Variants in NT5C2 observed in about 807,000 individuals in gnomAD.
The protein encoded by NT5C2 is cytosolic purine 5'-nucleotidase.
In NT5C2, 58 loss-of-function variants were observed where a neutral mutation model predicts 76.1. That is an observed-to-expected ratio of 0.76 (90% CI 0.62 to 0.95). The LOEUF (loss-of-function observed/expected upper bound fraction) is 0.95, where lower values mean the gene tolerates loss of function less well. Ranked by LOEUF, NT5C2 falls within the 40% of genes least tolerant of loss-of-function variation. The pLI, the probability that NT5C2 is intolerant of heterozygous loss-of-function variation, is 0.00. For missense variants in NT5C2, 478 were observed against 690.3 expected (o/e 0.69, Z 3.45); for synonymous variants, 229 against 237.4 (o/e 0.96, Z 0.32).
At chr10:103,163,639 T>C (rs557972921) in intron 3 of NT5C2, among the ~76,000 whole-genome samples, 1 of 151,944 alleles carries the variant, frequency 6.6e-6, no homozygotes, top group South Asian at 2.1e-4. Context: ...GTTCTTTATA[T>C]ACTCCAGATA....
intron 4 of NT5C2, among the ~76,000 whole-genome samples, chr10:103,128,189 C>T (rs2077076643): frequency 1.3e-5 from 2 of 150,170 alleles, no homozygotes; most frequent in African/African-American, 4.9e-5. Context: ...GATTCTCCTG[C>T]CTCAGCCTGC....
rs776631372 is a variant in NT5C2 at position 103,094,016 on chromosome 10, C to T, written c.944G>A (p.Gly315Asp). ...VDTKTGKLKIGTYTGPLQHGI... is the reference protein window; with the variant it reads ...VDTKTGKLKIDTYTGPLQHGI... ...ATGCTGTAGGGGCCCTGTGTAGGTACCAATTTTCAGCTTGCCAGTTTTCTG... is the reference window on the plus strand; with the variant it reads ...ATGCTGTAGGGGCCCTGTGTAGGTATCAATTTTCAGCTTGCCAGTTTTCTG... The change falls in exon 14 of 19, where the codon GGT becomes GAT. Residue 315 changes from glycine (G) to aspartate (D), a missense_variant. Physicochemically the swap from Gly to Asp is moderately conservative, Grantham distance 94. Coordinates refer to ENST00000404739, the MANE Select transcript of NT5C2 (RefSeq NM_001351169.2). 1 of 1,613,774 alleles carries T rather than the reference C, an allele frequency of 6.2e-7. No homozygotes were observed. The highest frequency in any genetic ancestry group is 8.5e-7 in the Non-Finnish European group (1 of 1,179,738).
intron 6 of NT5C2, among the ~76,000 whole-genome samples, chr10:103,103,038 T>C (rs921898680): frequency 6.6e-6 from 1 of 152,068 alleles, no homozygotes; most frequent in African/African-American, 2.4e-5. Context: ...TTGTTAAAGA[T>C]GCAAAAACAC....
At chr10:103,144,398 T>TA (rs2081124873) in intron 3 of NT5C2, among the ~76,000 whole-genome samples, 1 of 152,210 alleles carries the variant, frequency 6.6e-6, no homozygotes. Flanking sequence ...CAGCTAACAT[T>TA]ACAGGAAAAA....
At chr10:103,096,014 C>T in intron 11 of NT5C2, 34 bp from the exon 12 acceptor site, 2 of 1,546,510 alleles carry the variant, frequency 1.3e-6, no homozygotes, top group Non-Finnish European at 1.8e-6. Flanking sequence ...GGTCCATATA[C>T]TACTTTTGCA....
intron 1 of NT5C2, among the ~76,000 whole-genome samples, chr10:103,190,835 T>A (rs1788312558): frequency 6.6e-6 from 1 of 152,226 alleles, no homozygotes; most frequent in African/African-American, 2.4e-5. Context: ...AGAGCCTGTG[T>A]GCCAGGCATT....
chr10:103,192,344 C>T (rs1308805170), intron 1 of NT5C2, among the ~76,000 whole-genome samples: 8 of 152,150 alleles, frequency 5.3e-5, no homozygotes, highest in Non-Finnish European at 1.0e-4. Flanking sequence ...CGACCCCCCT[C>T]AAACATCAAG....
At chr10:103,134,393 C>T (rs905436690) in intron 4 of NT5C2, among the ~76,000 whole-genome samples, 1 of 152,232 alleles carries the variant, frequency 6.6e-6, no homozygotes, top group Admixed American at 6.5e-5. Context: ...CAATATAGAG[C>T]TCGGGCTGTG....
intron 3 of NT5C2, among the ~76,000 whole-genome samples, chr10:103,174,123 T>C (rs1441041615): frequency 2.0e-5 from 3 of 150,938 alleles, no homozygotes; most frequent in Middle Eastern, 3.5e-3. Context: ...AAATTCATTC[T>C]TGGCAGGGTG....
At chr10:103,097,204 T>C (rs1411074330) in intron 11 of NT5C2, 87 bp downstream of exon 11, 1 of 1,015,182 alleles carries the variant, frequency 9.9e-7, no homozygotes, top group East Asian at 2.6e-5. Flanking sequence ...TTTCACTTAA[T>C]AAACTTCTAT....
At chr10:103,097,161 T>TAC in intron 11 of NT5C2, 130 bp downstream of exon 11, 1 of 679,832 alleles carries the variant, frequency 1.5e-6, no homozygotes, top group Non-Finnish European at 2.4e-6. Flanking sequence ...TTTTGCCTTT[T>TAC]TACTCTTTGA....
intron 4 of NT5C2, among the ~76,000 whole-genome samples, chr10:103,136,074 G>A (rs544430652): frequency 9.9e-5 from 15 of 152,080 alleles, no homozygotes; most frequent in Admixed American, 5.9e-4. Flanking sequence ...GAGACAGAGC[G>A]AGACTCTGCC....
At chr10:103,186,365 T>G (rs1245882624) in intron 1 of NT5C2, among the ~76,000 whole-genome samples, 3 of 152,228 alleles carry the variant, frequency 2.0e-5, no homozygotes, top group African/African-American at 7.2e-5. Flanking sequence ...CACAATACAG[T>G]ACTTGATGTT....
intron 1 of NT5C2, among the ~76,000 whole-genome samples, chr10:103,183,487 G>A (rs1429096016): frequency 2.9e-5 from 4 of 136,918 alleles, no homozygotes; most frequent in East Asian, 4.1e-4. Flanking sequence ...TTCTTCTACT[G>A]CAAAAATAAT....
At chr10:103,092,337 C>G (rs560296922) in intron 15 of NT5C2, among the ~76,000 whole-genome samples, 1 of 148,380 alleles carries the variant, frequency 6.7e-6, no homozygotes, top group East Asian at 2.0e-4. Flanking sequence ...GGATATGGAG[C>G]CTTGGTTGAG....
chr10:103,144,541 TA>T (rs1313329180), intron 3 of NT5C2, among the ~76,000 whole-genome samples: 3 of 152,242 alleles, frequency 2.0e-5, no homozygotes, highest in African/African-American at 7.2e-5. Flanking sequence ...CATTTATGTA[TA>T]TTTTTAAGGA....
intron 4 of NT5C2, among the ~76,000 whole-genome samples, chr10:103,129,410 G>A (rs1183190201): frequency 3.8e-4 from 37 of 97,300 alleles, no homozygotes; most frequent in South Asian, 8.1e-4. Context: ...GCCTCTGCCC[G>A]GCCGCCCCTA....
intron 3 of NT5C2, chr10:103,145,976 A>G: frequency 1.2e-6 from 1 of 825,176 alleles, no homozygotes; most frequent in East Asian, 1.2e-4. Context: ...TAAATTTGAA[A>G]TTTTGTAAAT....
chr10:103,140,388 G>A lies in NT5C2; in HGVS notation c.102-909C>T, dbSNP rs1591382774. Among the ~76,000 whole-genome samples the A allele has an allele frequency of 2.0e-5, 3 of 152,088 alleles. No homozygotes were observed. In the South Asian group the frequency reaches 6.2e-4, roughly 32 times the overall value. On this transcript the variant is annotated intron_variant, in intron 3 of 18. Coordinates refer to ENST00000404739, the MANE Select transcript of NT5C2 (RefSeq NM_001351169.2). ...CAAACGGTAGAATCTCCTTTTTTAA[G>A]GCTGAATATTCCATTGTGTGTATAT...
Sources: gnomAD v4.1 joint callset for allele counts (sites outside exome capture counted in the v4.1 genomes callset) on GRCh38, gnomAD v4.1.1 for gene constraint, MANE v1.5 for transcripts, NCBI Gene and HGNC (gene_info 2026-07-23, HGNC 2026-07-21) for gene names.